PPP2R5C: variants seen among roughly 807,000 people sequenced by gnomAD.
The protein encoded by PPP2R5C is serine/threonine-protein phosphatase 2A 56 kDa regulatory subunit gamma isoform.
A neutral mutation model predicts 68.9 loss-of-function variants in PPP2R5C; 7 were observed. The observed-to-expected ratio is 0.10, with a 90% CI of 0.06 to 0.19. The LOEUF is 0.19. Among genes scored for constraint, PPP2R5C ranks in the 10% least tolerant of loss-of-function variants. PPP2R5C has a pLI of 1.00. For missense variants in PPP2R5C, 348 were observed against 641.3 expected (o/e 0.54, Z 4.94); for synonymous variants, 210 against 222.2 (o/e 0.95, Z 0.49).
rs563229184 is a variant in PPP2R5C at position 101,902,210 on chromosome 14, A to G, written c.1023+321A>G. The stretch of plus-strand genomic sequence containing the variant: ...TTTCCACACCTGAGCATCAATATTG[A>G]TAGACAACGGGTGGCCAAAGCCTCG... On this transcript the variant is annotated intron_variant, in intron 9 of 13. Coordinates refer to ENST00000334743, the Ensembl canonical transcript of PPP2R5C. Among the ~76,000 whole-genome samples the G allele has an allele frequency of 1.2e-4, 19 of 152,188 alleles. No individual in the cohort carries two copies. The South Asian group carries it at 1.9e-3, about 15-fold the overall frequency.
At chr14:101,889,923 G>A (rs530246855) in intron 5 of PPP2R5C, 13 of 497,826 alleles carry the variant, frequency 2.6e-5, no homozygotes, top group African/African-American at 1.2e-4. Context: ...CACATTGCTC[G>A]TGGTCGAATC....
chr14:101,909,811 A>G, intron 11 of PPP2R5C, 121 bp downstream of exon 13: 2 of 578,138 alleles, frequency 3.5e-6, no homozygotes, highest in Admixed American at 3.2e-5. Context: ...CAAGCCTTTC[A>G]TACTTGGAAA....
At chr14:101,834,463 A>G (rs535087903) in intron 1 of PPP2R5C, among the ~76,000 whole-genome samples, 3 of 152,268 alleles carry the variant, frequency 2.0e-5, no homozygotes, top group African/African-American at 7.2e-5. Flanking sequence ...CAAGGCCACC[A>G]GCAAGTTAAT....
At chr14:101,914,316 G>C in intron 12 of PPP2R5C, 1 of 386,388 alleles carries the variant, frequency 2.6e-6, no homozygotes, top group Non-Finnish European at 5.2e-6. Context: ...CATGGCACAT[G>C]GTCTCCTAAA....
At chr14:101,889,868 G>A (rs2044749586) in intron 5 of PPP2R5C, 1 of 412,346 alleles carries the variant, frequency 2.4e-6, no homozygotes, top group South Asian at 1.8e-5. Flanking sequence ...TAATGAACGA[G>A]TAAAAGATGG....
At chr14:101,921,913 C>G (rs975023793) in intron 13 of PPP2R5C, 1 of 895,844 alleles carries the variant, frequency 1.1e-6, no homozygotes, top group East Asian at 1.2e-4. Context: ...TCAAAGAAAA[C>G]TAGCAAATAT....
Position 101,913,291 on chromosome 14 carries a change from G to A in PPP2R5C, c.1326+818G>A, listed in dbSNP as rs7159780. 3.7e-3 allele frequency among the ~76,000 whole-genome samples: 556 copies of A among 152,256 alleles called. 2 individuals carry two copies. Among genetic ancestry groups the A allele is most frequent in the African/African-American group, 0.013 (535 of 41,532 alleles). On this transcript the variant is annotated intron_variant, in intron 12 of 13. Transcript: ENST00000334743. The surrounding 1 kb of genome is among the most constrained non-coding windows in gnomAD (Gnocchi z 4.1). ...TCAACTCTCCAGAAAAGATTTTACC[G>A]AACAATGTATTTCTTTTAGTGAGAG...
At chr14:101,795,059 G>A (rs2038544466) in intron 3 of PPP2R5C, among the ~76,000 whole-genome samples, 1 of 152,192 alleles carries the variant, frequency 6.6e-6, no homozygotes, top group Non-Finnish European at 1.5e-5. Flanking sequence ...TGACATTAGT[G>A]GGAACGAGAG....
At chr14:101,902,694 A>C (rs567021337) in intron 9 of PPP2R5C, among the ~76,000 whole-genome samples, 1 of 152,358 alleles carries the variant, frequency 6.6e-6, no homozygotes, top group South Asian at 2.1e-4. Context: ...TCTCAGAAAC[A>C]CATGGGCAGT....
At chr14:101,875,213 G>T (rs992337984) in intron 2 of PPP2R5C, among the ~76,000 whole-genome samples, 2 of 152,202 alleles carry the variant, frequency 1.3e-5, no homozygotes, top group African/African-American at 4.8e-5. Context: ...AGCTCTTGCT[G>T]TGGAGGAAGC....
At chr14:101,800,482 G>C (rs1028098609) in intron 3 of PPP2R5C, among the ~76,000 whole-genome samples, 12 of 152,080 alleles carry the variant, frequency 7.9e-5, no homozygotes, top group Non-Finnish European at 1.8e-4. Context: ...AGAATTGCTT[G>C]AACCCAGGAG....
chr14:101,800,360 G>C (rs2038806496), intron 3 of PPP2R5C, among the ~76,000 whole-genome samples: 1 of 152,198 alleles, frequency 6.6e-6, no homozygotes, highest in African/African-American at 2.4e-5. Context: ...TCAGGAGTTT[G>C]AGACCAGCCT....
At position 101,893,122 on chromosome 14, in the gene PPP2R5C, G is replaced by A; in HGVS notation, c.798+14G>A. On this transcript the variant is annotated intron_variant, in intron 7 of 13. Transcript: ENST00000334743. ...TACCATCCCCAGGTAAGGGGCAGCAGGACTCTAGGAACACAGCTGTTGGCA... is the reference window on the plus strand; with the variant it reads ...TACCATCCCCAGGTAAGGGGCAGCAAGACTCTAGGAACACAGCTGTTGGCA... The A allele has an allele frequency of 1.3e-6, 2 of 1,524,720 alleles. No individual in the cohort carries two copies. The highest frequency in any genetic ancestry group is 2.2e-5 in the South Asian group (2 of 88,994). The allele number at this position is 1,524,720 out of a possible 1,614,324, so 94.4% of individuals were successfully genotyped here.
intron 13 of PPP2R5C, among the ~76,000 whole-genome samples, chr14:101,919,980 A>AAAAAAAC (rs2046920907): frequency 3.5e-5 from 4 of 114,142 alleles, no homozygotes; most frequent in African/African-American, 9.0e-5. Flanking sequence ...AAAAAAAAAA[A>AAAAAAAC]AAAAAAAAAA....
chr14:101,778,597 A>G (rs558532386), intron 2 of PPP2R5C, among the ~76,000 whole-genome samples: 3 of 151,860 alleles, frequency 2.0e-5, no homozygotes, highest in Non-Finnish European at 4.4e-5. Flanking sequence ...GTGAGGGGGG[A>G]TCCACCTTTA....
rs1011057364 is a variant in PPP2R5C, at chr14:101,906,953, T to G, written c.1151+424T>G. On this transcript the variant is annotated intron_variant, in intron 10 of 13. Coordinates refer to ENST00000334743, the Ensembl canonical transcript of PPP2R5C. This position sits in a 1 kb window ranked among gnomAD's most constrained non-coding sequence, Gnocchi z 4.0. ...GTGAGACCCAAGAACCACCCCACAGTGGTCACTACCTGGAGAAGAAGAGGG... is the reference window on the plus strand; with the variant it reads ...GTGAGACCCAAGAACCACCCCACAGGGGTCACTACCTGGAGAAGAAGAGGG... Among the ~76,000 whole-genome samples the G allele has an allele frequency of 4.6e-5, 7 of 152,098 alleles. No homozygotes were observed. The highest frequency in any genetic ancestry group is 1.7e-4 in the African/African-American group (7 of 41,430).
chr14:101,891,861 A>G lies in PPP2R5C; in HGVS notation c.690-1139A>G, dbSNP rs949532799. ...GTTTGCCTAATTACAAAACCAAGAC[A>G]ATAAACTAGTTGTTTGAGACAAAAA... On this transcript the variant is annotated intron_variant, in intron 6 of 13. Coordinates refer to ENST00000334743, the Ensembl canonical transcript of PPP2R5C. The surrounding 1 kb of genome is among the most constrained non-coding windows in gnomAD (Gnocchi z 4.9). Among the ~76,000 whole-genome samples the G allele has an allele frequency of 1.3e-5, 2 of 152,224 alleles. No homozygotes were observed. Among genetic ancestry groups the G allele is most frequent in the Admixed American group, 6.5e-5 (1 of 15,284 alleles).
intron 2 of PPP2R5C, among the ~76,000 whole-genome samples, chr14:101,874,451 G>A (rs1437076741): frequency 6.6e-6 from 1 of 152,078 alleles, no homozygotes; most frequent in Non-Finnish European, 1.5e-5. Context: ...GAATCTATAC[G>A]AAACTAATCT....
chr14:101,862,446 C>T (rs1272941692), intron 2 of PPP2R5C, among the ~76,000 whole-genome samples: 2 of 152,166 alleles, frequency 1.3e-5, no homozygotes, highest in African/African-American at 4.8e-5. Context: ...TCAGAGTGCG[C>T]GATCCAGCAC....
Sources: gnomAD v4.1 joint callset for allele counts (sites outside exome capture counted in the v4.1 genomes callset) on GRCh38, gnomAD v4.1.1 for gene constraint, Gnocchi (gnomAD v3.1) non-coding constraint, MANE v1.5 for transcripts, NCBI Gene and HGNC (gene_info 2026-07-23, HGNC 2026-07-21) for gene names.